Variants in SIK3 observed in about 807,000 individuals in gnomAD.
SIK3 encodes serine/threonine-protein kinase SIK3.
A neutral mutation model predicts 144.2 loss-of-function variants in SIK3; 28 were observed. The ratio of observed to expected loss-of-function variants is 0.19; its 90% CI spans 0.14 to 0.27. The LOEUF is 0.27. Ranked by LOEUF, SIK3 falls within the 10% of genes least tolerant of loss-of-function variation. The probability of loss-of-function intolerance (pLI) is 1.00; values close to 1 mark genes in which losing one functional copy is unlikely to be tolerated. For missense variants in SIK3, 1,319 were observed against 1,776.0 expected, an observed-to-expected ratio of 0.74 and a Z score of 4.62; for synonymous variants, 686 against 676.3, an observed-to-expected ratio of 1.01 and a Z score of -0.22.
intron 21 of SIK3, 111 bp downstream of exon 21, chr11:116,857,699 A>G: frequency 6.9e-7 from 1 of 1,458,784 alleles, no homozygotes; most frequent in Non-Finnish European, 9.1e-7. Flanking sequence ...TGAAGCTCAG[A>G]AATTCTTTTT....
intron 15 of SIK3, among the ~76,000 whole-genome samples, chr11:116,865,755 C>T (rs1943600225): frequency 1.3e-5 from 2 of 152,096 alleles, no homozygotes; most frequent in African/African-American, 4.8e-5. Context: ...TCATTTCCTC[C>T]AGAAAATGAA....
intron 1 of SIK3, among the ~76,000 whole-genome samples, chr11:117,043,614 G>GT (rs1952837152): frequency 6.6e-6 from 1 of 152,082 alleles, no homozygotes; most frequent in Admixed American, 6.6e-5. Context: ...TCAACATTGC[G>GT]TGACTATAAC....
chr11:116,933,000 G>A (rs1947702224), intron 3 of SIK3, among the ~76,000 whole-genome samples: 1 of 151,888 alleles, frequency 6.6e-6, no homozygotes, highest in African/African-American at 2.4e-5. Context: ...CAAACTCATG[G>A]GCTCAAGTGA....
chr11:116,847,039 C>G (rs1417127254), intron 23 of SIK3, among the ~76,000 whole-genome samples: 1 of 152,150 alleles, frequency 6.6e-6, no homozygotes, highest in African/African-American at 2.4e-5. Context: ...TCTCGGGGTC[C>G]AGAAAGCCAA....
chr11:116,970,238 C>T (rs1949719757), intron 1 of SIK3, among the ~76,000 whole-genome samples: 1 of 152,146 alleles, frequency 6.6e-6, no homozygotes, highest in East Asian at 1.9e-4. Context: ...GATCAAGCCA[C>T]TACACTCCTA....
At chr11:116,972,829 C>T (rs1949811464) in intron 1 of SIK3, among the ~76,000 whole-genome samples, 1 of 152,068 alleles carries the variant, frequency 6.6e-6, no homozygotes, top group South Asian at 2.1e-4. Flanking sequence ...CACATAATGA[C>T]AGACCTATTC....
intron 1 of SIK3, among the ~76,000 whole-genome samples, chr11:117,096,158 C>T (rs1463077460): frequency 6.6e-6 from 1 of 152,206 alleles, no homozygotes; most frequent in African/African-American, 2.4e-5. Flanking sequence ...AGAAATGTCT[C>T]TTTTATATTA....
chr11:117,043,355 C>T (rs758091522), intron 1 of SIK3, among the ~76,000 whole-genome samples: 2 of 152,100 alleles, frequency 1.3e-5, no homozygotes, highest in Non-Finnish European at 2.9e-5. Context: ...AACTCATTAC[C>T]ACATAAAAAT....
At chr11:116,934,046 T>G (rs12418735) in intron 3 of SIK3, among the ~76,000 whole-genome samples, 11,027 of 152,262 alleles carry the variant, frequency 0.072, 488 homozygotes, top group Middle Eastern at 0.11. Flanking sequence ...GTCTTTCCTA[T>G]CTCTATTGTC....
intron 3 of SIK3, among the ~76,000 whole-genome samples, chr11:116,937,298 G>A (rs1030913068): frequency 4.6e-5 from 7 of 152,178 alleles, no homozygotes; most frequent in African/African-American, 1.4e-4. Context: ...TTAAATAAAT[G>A]GTTACTTACG....
At chr11:117,081,812 C>T (rs1954802310) in intron 1 of SIK3, among the ~76,000 whole-genome samples, 1 of 152,128 alleles carries the variant, frequency 6.6e-6, no homozygotes, top group Non-Finnish European at 1.5e-5. Context: ...ATTAAAGACA[C>T]TTGTGCTGCA....
chr11:117,021,469 G>T (rs1951759801), intron 1 of SIK3, among the ~76,000 whole-genome samples: 1 of 152,100 alleles, frequency 6.6e-6, no homozygotes, highest in South Asian at 2.1e-4. Context: ...GGTAAATGAT[G>T]TTTTACAGAT....
chr11:116,964,853 GC>G (rs201165469), intron 1 of SIK3, among the ~76,000 whole-genome samples: 11,002 of 152,034 alleles, frequency 0.072, 485 homozygotes, highest in Middle Eastern at 0.11. Flanking sequence ...CTGCACTCCA[GC>G]CAGGGCAACA....
At chr11:116,912,529 G>A (rs73590491) in intron 4 of SIK3, among the ~76,000 whole-genome samples, 1,991 of 152,276 alleles carry the variant, frequency 0.013, 55 homozygotes, top group African/African-American at 0.045. Flanking sequence ...CAGTACTAGT[G>A]TTCTCAGTGT....
intron 4 of SIK3, among the ~76,000 whole-genome samples, chr11:116,922,624 AAAAC>A (rs1253491925): frequency 1.3e-5 from 2 of 152,220 alleles, no homozygotes; most frequent in African/African-American, 2.4e-5. Flanking sequence ...CTGTCTCTAC[AAAAC>A]AAACAAACAG....
chr11:116,870,393 T>G lies in SIK3; in HGVS notation c.1746A>C (p.Pro582=), dbSNP rs1283726380. Residue 582 remains proline (P), a synonymous_variant, in exon 14 of 25, where the codon CCA becomes CCC. Coordinates refer to ENST00000445177, the MANE Select transcript of SIK3 (RefSeq NM_001366686.3). ...TCTCCTCGTCCACAGGGGTAACTGC[T>G]GGCACTGCCTGAAGAGAGACAGGAA... ...SPLVTMTPAV[P]AVTPVDEESS... is the part of the protein sequence containing the mutation. The G allele has an allele frequency of 6.2e-7, 1 of 1,612,400 alleles. No homozygotes were observed. Among genetic ancestry groups the G allele is most frequent in the Non-Finnish European group, 8.5e-7 (1 of 1,180,020 alleles).
intron 3 of SIK3, among the ~76,000 whole-genome samples, chr11:116,940,386 C>T (rs1426970755): frequency 2.0e-5 from 3 of 151,778 alleles, no homozygotes; most frequent in African/African-American, 4.8e-5. Context: ...TGTGTCACCA[C>T]GCCCAGCTAA....
chr11:117,007,641 C>T (rs1281278024), intron 1 of SIK3, among the ~76,000 whole-genome samples: 2 of 152,156 alleles, frequency 1.3e-5, no homozygotes, highest in Non-Finnish European at 2.9e-5. Context: ...ATAGCTGCCC[C>T]CTCAGGGACT....
At chr11:117,090,187 T>C (rs1458251773) in intron 1 of SIK3, among the ~76,000 whole-genome samples, 4 of 152,192 alleles carry the variant, frequency 2.6e-5, no homozygotes, top group Admixed American at 2.6e-4. Context: ...TTTCACCCTC[T>C]TGATGTTATC....
Sources: allele counts gnomAD v4.1 joint callset (sites outside exome capture counted in the v4.1 genomes callset), GRCh38; gene constraint gnomAD v4.1.1; transcripts MANE v1.5; gene names NCBI Gene and HGNC (gene_info 2026-07-23, HGNC 2026-07-21).